OTX2: variants seen among roughly 807,000 people sequenced by gnomAD.
The protein encoded by OTX2 is homeobox protein OTX2.
OTX2 carries 4 observed loss-of-function variants against 29.0 expected under a neutral mutation model. That is an observed-to-expected ratio of 0.14 (90% CI 0.07 to 0.32). The LOEUF is 0.32. OTX2 is among the 10% of genes least tolerant of loss of function. The pLI, the probability that OTX2 is intolerant of heterozygous loss-of-function variation, is 1.00. For synonymous variants in OTX2, 134 were observed against 141.0 expected (o/e 0.95, Z 0.35); for missense variants, 298 against 365.9 (o/e 0.81, Z 1.51).
intron 2 of OTX2, among the ~76,000 whole-genome samples, chr14:56,808,277 T>C (rs1173568158): frequency 1.3e-5 from 2 of 152,228 alleles, no homozygotes; most frequent in Non-Finnish European, 1.5e-5. Flanking sequence ...CATGCTCCTC[T>C]CTGCTTCTCG....
At chr14:56,807,518 T>C (rs772246181) in intron 2 of OTX2, among the ~76,000 whole-genome samples, 18 of 152,154 alleles carry the variant, frequency 1.2e-4, no homozygotes, top group Non-Finnish European at 2.1e-4. Context: ...TACAATAAAG[T>C]AGCACATTCC....
In OTX2 at chr14:56,803,905, G is replaced by A. The variant is rs559464266; in HGVS notation, c.273+283C>T. ...GAATAGGAGAGGATTTCTATACAGA[G>A]GAAGGGAAGGGTTACAACACCACGT... On this transcript the variant is annotated intron_variant, in intron 4 of 4. Coordinates refer to ENST00000672264, the MANE Select transcript of OTX2 (RefSeq NM_021728.4). 2.8e-4 allele frequency among the ~76,000 whole-genome samples: 42 copies of A among 151,902 alleles called. No individual in the cohort carries two copies. The South Asian group carries it at 8.7e-3, about 32-fold the overall frequency.
rs566851147 is a variant in OTX2 at position 56,807,970 on chromosome 14, G to C, written c.-120+2189C>G. Among the ~76,000 whole-genome samples, 739 of 151,116 alleles carry C rather than the reference G, an allele frequency of 4.9e-3. 9 individuals carry two copies. The highest frequency in any genetic ancestry group is 0.027 in the South Asian group (131 of 4,786). On this transcript the variant is annotated intron_variant, in intron 2 of 4. Transcript: ENST00000672264. ...GTGCCTGGGTCCCGCGTTCCTGCCC[G>C]GCAGCCCCGCAGCCCCGCAGCCCCG... is the stretch of plus-strand genomic sequence containing the variant.
intron 2 of OTX2, 28 bp downstream of exon 2, chr14:56,810,131 G>A (rs1009560827): frequency 6.6e-6 from 1 of 152,250 alleles, no homozygotes; most frequent in Non-Finnish European, 1.5e-5. Flanking sequence ...CGTAGATATG[G>A]ATATAGACAA....
chr14:56,801,630 C>T lies in OTX2; in HGVS notation c.*105G>A, dbSNP rs1891879630. 7.6e-7 allele frequency: 1 copy of T among 1,307,794 alleles called. No individual in the cohort carries two copies. The highest frequency in any genetic ancestry group is 1.1e-6 in the Non-Finnish European group (1 of 906,854). 81.0% of individuals were successfully genotyped at this position (1,307,794 alleles called of 1,614,324 possible). ...CTCTCGGAACTTTGATCAGATGAGT[C>T]TGAGCATCATCCCATCTAACTCTTT... is the stretch of plus-strand genomic sequence containing the variant. On this transcript the variant is annotated 3_prime_UTR_variant, in exon 5 of 5. Coordinates refer to ENST00000672264, the MANE Select transcript of OTX2 (RefSeq NM_021728.4). The surrounding 1 kb of genome is among the most constrained non-coding windows in gnomAD (Gnocchi z 4.2).
Position 56,804,034 on chromosome 14 carries a change from G to A in OTX2, c.273+154C>T, listed in dbSNP as rs1255769918. Among the ~76,000 whole-genome samples the A allele has an allele frequency of 6.6e-6, 1 of 152,168 alleles. No homozygotes were observed. Among genetic ancestry groups the A allele is most frequent in the East Asian group, 1.9e-4 (1 of 5,184 alleles). On this transcript the variant is annotated intron_variant, in intron 4 of 4. Coordinates refer to ENST00000672264, the MANE Select transcript of OTX2 (RefSeq NM_021728.4). This position sits in a 1 kb window ranked among gnomAD's most constrained non-coding sequence, Gnocchi z 4.1. Reference sequence around the variant, plus strand: ...TAAGTGGTGACGGGCAGGCAAAAAAGGGCAGAAGGAGAATAGTTTCCTGGC... The same window carrying A: ...TAAGTGGTGACGGGCAGGCAAAAAAAGGCAGAAGGAGAATAGTTTCCTGGC...
chr14:56,802,384 C>T lies in OTX2; in HGVS notation c.274-29G>A, dbSNP rs201923654. On this transcript the variant is annotated intron_variant, in intron 4 of 4. Transcript: ENST00000672264. The surrounding 1 kb of genome is among the most constrained non-coding windows in gnomAD (Gnocchi z 4.4). ...GGAAGGGAAAGAAAATTCTTTAACT[C>T]GGTTTTGATAGTTCCTTAAGGACAA... is the stretch of plus-strand genomic sequence containing the variant. 17 of 1,612,926 alleles carry T rather than the reference C, an allele frequency of 1.1e-5. No individual in the cohort carries two copies. In the Middle Eastern group the frequency reaches 4.9e-4, roughly 47 times the overall value.
rs751820068 is a variant in OTX2, at chr14:56,802,079, G to A, written c.550C>T (p.Pro184Ser). Residue 184 changes from proline (P) to serine (S), a missense_variant, in exon 5 of 5, where the codon CCC becomes TCC. Physicochemically the swap from Pro to Ser is moderately conservative, Grantham distance 74 (BLOSUM62 -1). Around this residue, in one of 3 missense-constraint regions of OTX2, gnomAD observed 219 missense variants for 223.5 expected, o/e 0.98. Transcript: ENST00000672264. This position sits in a 1 kb window ranked among gnomAD's most constrained non-coding sequence, Gnocchi z 4.4. ...CCTGAAGCCTGAGTATAGGTCATGG[G>A]ATAGGACCTCTGCATGCAGGAAGAG... ...TSSSCMQRSY[P>S]MTYTQASGYS... The A allele has an allele frequency of 1.2e-6, 2 of 1,614,150 alleles. No homozygotes were observed. Among genetic ancestry groups the A allele is most frequent in the South Asian group, 1.1e-5 (1 of 91,078 alleles).
Position 56,804,482 on chromosome 14 carries a change from A to G in OTX2, c.98-119T>C. 1 of 942,770 alleles carries G rather than the reference A, an allele frequency of 1.1e-6. No individual in the cohort carries two copies. 58.4% of individuals were successfully genotyped at this position (942,770 alleles called of 1,614,324 possible). ...ACAGCCCTTCAGCCGGGAGCCTACC[A>G]ATGCTCTCCCCACCGTCTCCCCAGC... On this transcript the variant is annotated intron_variant, in intron 3 of 4. Transcript: ENST00000672264. The surrounding 1 kb of genome is among the most constrained non-coding windows in gnomAD (Gnocchi z 4.1).
Position 56,805,415 on chromosome 14 carries a change from C to A in OTX2, c.42G>T (p.Gly14=), listed in dbSNP as rs760374061. 12 of 1,613,974 alleles carry A rather than the reference C, an allele frequency of 7.4e-6. No homozygotes were observed. The East Asian group carries it at 1.8e-4, about 24-fold the overall frequency. ...CCATACCCGAAGTGGTCAGACTCAG[C>A]CCATTGACTGCGTAAGGCGGTTGCT... ...YLKQPPYAVN[G]LSLTTSGMDL... Residue 14 remains glycine (G), a synonymous_variant, in exon 3 of 5, where the codon GGG becomes GGT. Coordinates refer to ENST00000672264, the MANE Select transcript of OTX2 (RefSeq NM_021728.4).
Position 56,801,632 on chromosome 14 carries a change from G to A in OTX2, c.*103C>T, listed in dbSNP as rs1891879734. 4 of 1,316,422 alleles carry A rather than the reference G, an allele frequency of 3.0e-6. No homozygotes were observed. The highest frequency in any genetic ancestry group is 1.1e-6 in the Non-Finnish European group (1 of 914,368). 81.5% of individuals were successfully genotyped at this position (1,316,422 alleles called of 1,614,324 possible). ...CTCGGAACTTTGATCAGATGAGTCT[G>A]AGCATCATCCCATCTAACTCTTTTA... On this transcript the variant is annotated 3_prime_UTR_variant, in exon 5 of 5. Coordinates refer to ENST00000672264, the MANE Select transcript of OTX2 (RefSeq NM_021728.4). This position sits in a 1 kb window ranked among gnomAD's most constrained non-coding sequence, Gnocchi z 4.2.
Position 56,804,339 on chromosome 14 carries a change from G to C in OTX2, c.122C>G (p.Ala41Gly), listed in dbSNP as rs1449513107. 9 of 1,613,798 alleles carry C rather than the reference G, an allele frequency of 5.6e-6. No homozygotes were observed. The East Asian group carries it at 2.0e-4, about 36-fold the overall frequency. The change falls in exon 4 of 5, where the codon GCC becomes GGC. Residue 41 changes from alanine to glycine, a missense_variant. Ala to Gly is a moderately conservative substitution (Grantham distance 60). Transcript: ENST00000672264. This position sits in a 1 kb window ranked among gnomAD's most constrained non-coding sequence, Gnocchi z 4.1. ...YPGPWASCPAATPRKQRRERT... is the reference protein window; with the variant it reads ...YPGPWASCPAGTPRKQRRERT... ...CTCCCGGCGCTGTTTCCGGGGGGTGGCTGCGGGACAAGAAGCCCAGGGCCC... is the reference window on the plus strand; with the variant it reads ...CTCCCGGCGCTGTTTCCGGGGGGTGCCTGCGGGACAAGAAGCCCAGGGCCC...
chr14:56,805,304 C>G (rs1264794036), intron 3 of OTX2, 56 bp downstream of exon 3: 7 of 1,180,784 alleles, frequency 5.9e-6, no homozygotes, highest in African/African-American at 1.5e-5. Flanking sequence ...GGTGTTGCAT[C>G]CCCGGAGGGT....
At chr14:56,806,989 G>T (rs985669730) in intron 2 of OTX2, among the ~76,000 whole-genome samples, 1 of 152,074 alleles carries the variant, frequency 6.6e-6, no homozygotes, top group Admixed American at 6.6e-5. Context: ...AAAGGACTCC[G>T]GGTTTTCATA....
intron 2 of OTX2, among the ~76,000 whole-genome samples, chr14:56,806,028 C>T (rs1892080426): frequency 6.6e-6 from 1 of 152,068 alleles, no homozygotes; most frequent in Non-Finnish European, 1.5e-5. Context: ...GATAACAAAG[C>T]CCATTGGTGA....
chr14:56,806,081 G>A (rs1037433567), intron 2 of OTX2, among the ~76,000 whole-genome samples: 1 of 152,128 alleles, frequency 6.6e-6, no homozygotes. Flanking sequence ...TCCCCAGACT[G>A]TTGCCTTTCC....
At chr14:56,805,667 C>G (rs1441427176) in intron 2 of OTX2, 92 bp from the exon 3 acceptor site, 1 of 586,312 alleles carries the variant, frequency 1.7e-6, no homozygotes, top group Admixed American at 2.4e-5. Flanking sequence ...TTAAAAAGAG[C>G]ACGGACTAGG....
intron 2 of OTX2, among the ~76,000 whole-genome samples, chr14:56,809,727 T>C (rs1203974373): frequency 6.6e-6 from 1 of 152,206 alleles, no homozygotes; most frequent in Non-Finnish European, 1.5e-5. Context: ...TACATCTGCA[T>C]CTTTTTGTCT....
rs1892025122 is a variant in OTX2, at chr14:56,804,902, C to T, written c.97+458G>A. ...ACGCCTCTTGGGATTAAAGCAGGCTCTGGAGGTCATAGGGGAAGGCCTGGG... is the reference window on the plus strand; with the variant it reads ...ACGCCTCTTGGGATTAAAGCAGGCTTTGGAGGTCATAGGGGAAGGCCTGGG... On this transcript the variant is annotated intron_variant, in intron 3 of 4. Transcript: ENST00000672264. The surrounding 1 kb of genome is among the most constrained non-coding windows in gnomAD (Gnocchi z 4.1). Among the ~76,000 whole-genome samples, 1 of 152,122 alleles carries T rather than the reference C, an allele frequency of 6.6e-6. No homozygotes were observed. Among genetic ancestry groups the T allele is most frequent in the Non-Finnish European group, 1.5e-5 (1 of 68,022 alleles).
Sources: gnomAD v4.1 joint callset for allele counts (sites outside exome capture counted in the v4.1 genomes callset) on GRCh38, gnomAD v4.1.1 for gene constraint, gnomAD v4.1.1 regional missense constraint, Gnocchi (gnomAD v3.1) non-coding constraint, MANE v1.5 for transcripts, NCBI Gene and HGNC (gene_info 2026-07-23, HGNC 2026-07-21) for gene names.